R3HDM4: variants seen among roughly 807,000 people sequenced by gnomAD.
The protein encoded by R3HDM4 is R3H domain containing 4, also known as R3H domain-containing protein 4.
R3HDM4 carries 30 observed loss-of-function variants against 31.3 expected under a neutral mutation model. That is an observed-to-expected ratio of 0.96 (90% confidence interval 0.72 to 1.30). R3HDM4 has a LOEUF of 1.30. Ranked by LOEUF, R3HDM4 falls within the 50% of genes most tolerant of loss-of-function variation. R3HDM4 has a pLI of 0.00. For missense variants in R3HDM4, 444 were observed against 366.1 expected (o/e 1.21, Z -1.74); for synonymous variants, 196 against 156.6 (o/e 1.25, Z -1.88).
chr19:906,492 A>T (rs1421712650), intron 1 of R3HDM4, among the ~76,000 whole-genome samples: 1 of 152,152 alleles, frequency 6.6e-6, no homozygotes. Context: ...TGCTGGGATT[A>T]CGGGCATGAG....
chr19:899,732 T>TG lies in R3HDM4; in HGVS notation c.562-47dup. Reference sequence around the variant, plus strand: ...GTCAGGGAACTGCGGGACCTGTGGGTGGGGGGCCAGGGAGGTCCAGGGCCC... The same window carrying TG: ...GTCAGGGAACTGCGGGACCTGTGGGTGGGGGGGCCAGGGAGGTCCAGGGCCC... On this transcript the variant is annotated intron_variant, in intron 5 of 7. Transcript: ENST00000361574. The surrounding 1 kb of genome is among the most constrained non-coding windows in gnomAD (Gnocchi z 6.8). 1 of 1,462,536 alleles carries TG rather than the reference T, an allele frequency of 6.8e-7. No individual in the cohort carries two copies. The highest frequency in any genetic ancestry group is 9.1e-7 in the Non-Finnish European group (1 of 1,093,674). The allele number at this position is 1,462,536 out of a possible 1,614,324, so 90.6% of individuals were successfully genotyped here. A position where few individuals can be genotyped will look rare whatever the true frequency, so the allele number is the denominator to read the frequency against.
At position 897,135 on chromosome 19, in the gene R3HDM4, T is replaced by C; in HGVS notation, c.*302A>G. The C allele has an allele frequency of 2.9e-6, 1 of 341,436 alleles. No individual in the cohort carries two copies. The allele number at this position is 341,436 out of a possible 1,614,324, so 21.2% of individuals were successfully genotyped here. On this transcript the variant is annotated 3_prime_UTR_variant, in exon 8 of 8. Coordinates refer to ENST00000361574, the MANE Select transcript of R3HDM4 (RefSeq NM_138774.4). The stretch of plus-strand genomic sequence containing the variant: ...CCAGCCTCCCCCTCCTCACTTGAGC[T>C]TCAGACCGGGCCAGAAAAGCTCAAC...
chr19:902,990 A>G lies in R3HDM4; in HGVS notation c.72-860T>C, dbSNP rs1334506336. 2.6e-5 allele frequency among the ~76,000 whole-genome samples: 4 copies of G among 152,302 alleles called. No homozygotes were observed. The East Asian group carries it at 7.7e-4, about 29-fold the overall frequency. ...GATAGATTAGTAAACCGAGGCTCAG[A>G]GAAGTGAAGACACTTGCCCAAAGTC... On this transcript the variant is annotated intron_variant, in intron 1 of 7. Coordinates refer to ENST00000361574, the MANE Select transcript of R3HDM4 (RefSeq NM_138774.4).
Position 900,926 on chromosome 19 carries a change from G to A in R3HDM4, c.378C>T (p.Ser126=), listed in dbSNP as rs1257567091. The change falls in exon 4 of 8, where the codon TCC becomes TCT. Residue 126 remains serine, a synonymous_variant. Coordinates refer to ENST00000361574, the MANE Select transcript of R3HDM4 (RefSeq NM_138774.4). ...GAAGAACCCGCTCCTGCTCCTCCCC[G>A]GAGCGGTTCATGAAATCGTTCCAGA... ...VEVWNDFMNR[S]GEEQERVLRY... The A allele has an allele frequency of 3.7e-6, 6 of 1,606,868 alleles. No homozygotes were observed. Among genetic ancestry groups the A allele is most frequent in the Non-Finnish European group, 5.1e-6 (6 of 1,177,446 alleles).
intron 7 of R3HDM4, among the ~76,000 whole-genome samples, 153 bp from the exon 8 acceptor site, chr19:897,693 G>A (rs549581803): frequency 6.6e-5 from 10 of 152,344 alleles, no homozygotes; most frequent in Non-Finnish European, 8.8e-5. Flanking sequence ...CCCTAAGCCC[G>A]CAGGTCCGGG....
intron 1 of R3HDM4, 58 bp from the exon 2 acceptor site, chr19:902,188 G>A: frequency 6.3e-7 from 1 of 1,592,394 alleles, no homozygotes; most frequent in Non-Finnish European, 8.5e-7. Context: ...TCTCCGAGAA[G>A]GGCCCTACCA....
At position 913,075 on chromosome 19, in the gene R3HDM4, G is replaced by A. The variant is rs951940853; in HGVS notation, c.71+12C>T. 56 of 944,766 alleles carry A rather than the reference G, an allele frequency of 5.9e-5. No individual in the cohort carries two copies. The highest frequency in any genetic ancestry group is 5.5e-4 in the African/African-American group (31 of 56,776). 58.5% of individuals were successfully genotyped at this position (944,766 alleles called of 1,614,324 possible). ...CCCCGGCGCCCGCCGCGCCCCGCCC[G>A]CCCGCGCTCACAGCAGCCGCCGCCC... On this transcript the variant is annotated intron_variant, in intron 1 of 7. Transcript: ENST00000361574. This position sits in a 1 kb window ranked among gnomAD's most constrained non-coding sequence, Gnocchi z 5.0.
Position 898,456 on chromosome 19 carries a change from C to T in R3HDM4, c.704-916G>A, listed in dbSNP as rs559470876. Among the ~76,000 whole-genome samples, 4 of 141,778 alleles carry T rather than the reference C, an allele frequency of 2.8e-5. No individual in the cohort carries two copies. The East Asian group carries it at 6.2e-4, about 22-fold the overall frequency. The allele number at this position is 141,778 out of a possible 152,430, so 93.0% of individuals were successfully genotyped here. On this transcript the variant is annotated intron_variant, in intron 7 of 7. Coordinates refer to ENST00000361574, the MANE Select transcript of R3HDM4 (RefSeq NM_138774.4). ...TCTCTACTAAAAATACAAAATTAGC[C>T]GGGCGTGCTGGCCGGCACCTGGGAT...
intron 7 of R3HDM4, among the ~76,000 whole-genome samples, chr19:898,230 ATATATATATATATATATAC>A (rs1568338908): frequency 4.0e-5 from 5 of 124,268 alleles, no homozygotes; most frequent in South Asian, 2.7e-4. Context: ...AAAAAAAAAA[ATATATATATATATATATAC>A]AAAAAATTAG....
In R3HDM4 at chr19:899,297, C is replaced by T. The variant is rs1003212725; in HGVS notation, c.703+143G>A. The stretch of plus-strand genomic sequence containing the variant: ...TTCAAGGCAGGGTCCCACTGCCACC[C>T]CTGAGTTCGTAGCGTCCCCACTCCA... On this transcript the variant is annotated intron_variant, in intron 7 of 7. Coordinates refer to ENST00000361574, the MANE Select transcript of R3HDM4 (RefSeq NM_138774.4). The surrounding 1 kb of genome is among the most constrained non-coding windows in gnomAD (Gnocchi z 6.8). 1.1e-4 allele frequency: 89 copies of T among 814,020 alleles called. 1 individual carries two copies. The African/African-American group carries it at 1.4e-3, about 13-fold the overall frequency. The allele number at this position is 814,020 out of a possible 1,614,324, so 50.4% of individuals were successfully genotyped here. A position where few individuals can be genotyped will look rare whatever the true frequency, so the allele number is the denominator to read the frequency against.
intron 7 of R3HDM4, among the ~76,000 whole-genome samples, chr19:898,470 G>A (rs899154692): frequency 2.6e-5 from 4 of 150,966 alleles, no homozygotes; most frequent in South Asian, 2.1e-4. Flanking sequence ...CGTGCTGGCC[G>A]GCACCTGGGA....
chr19:909,982 C>T (rs150698476), intron 1 of R3HDM4, among the ~76,000 whole-genome samples: 4 of 151,704 alleles, frequency 2.6e-5, no homozygotes, highest in South Asian at 2.1e-4. Flanking sequence ...TCGAGGAGTT[C>T]GAGACCAGCC....
chr19:912,520 G>C lies in R3HDM4; in HGVS notation c.71+567C>G, dbSNP rs1192907633. 4.1e-5 allele frequency among the ~76,000 whole-genome samples: 3 copies of C among 73,722 alleles called. 1 individual carries two copies. The South Asian group carries it at 2.0e-3, about 48-fold the overall frequency. The allele number at this position is 73,722 out of a possible 152,430, so 48.4% of individuals were successfully genotyped here. ...GGGGCAAGAACCAGGGGAGTGGGGG[G>C]GTGGAGCAGGGAGTGGGGGGACGGA... On this transcript the variant is annotated intron_variant, in intron 1 of 7. Coordinates refer to ENST00000361574, the MANE Select transcript of R3HDM4 (RefSeq NM_138774.4).
At chr19:905,684 CAAAAAAA>C (rs35211343) in intron 1 of R3HDM4, among the ~76,000 whole-genome samples, 1 of 66,316 alleles carries the variant, frequency 1.5e-5, no homozygotes, top group African/African-American at 4.9e-5. Flanking sequence ...GACTCTGTCT[CAAAAAAA>C]AAAAAAAAAA....
At chr19:897,843 C>T (rs904042772) in intron 7 of R3HDM4, among the ~76,000 whole-genome samples, 14 of 152,246 alleles carry the variant, frequency 9.2e-5, no homozygotes, top group Admixed American at 7.8e-4. Context: ...GCCACTCACA[C>T]GCCTGCCTGG....
At chr19:904,472 C>T (rs1362054588) in intron 1 of R3HDM4, among the ~76,000 whole-genome samples, 1 of 152,156 alleles carries the variant, frequency 6.6e-6, no homozygotes, top group Non-Finnish European at 1.5e-5. Flanking sequence ...AAAAGCAACC[C>T]ACTCCACCCC....
intron 1 of R3HDM4, among the ~76,000 whole-genome samples, chr19:909,373 C>T (rs148008729): frequency 1.8e-3 from 280 of 152,250 alleles, no homozygotes; most frequent in African/African-American, 6.3e-3. Context: ...GGGCAGACTG[C>T]GGCGGCCCCC....
intron 7 of R3HDM4, among the ~76,000 whole-genome samples, 190 bp from the exon 8 acceptor site, chr19:897,730 C>T (rs182080196): frequency 7.2e-5 from 11 of 152,258 alleles, no homozygotes; most frequent in Non-Finnish European, 1.5e-4. Flanking sequence ...ATACCTAAGG[C>T]TCCCTACAGG....
At chr19:901,195 G>T in intron 3 of R3HDM4, 1 of 669,892 alleles carries the variant, frequency 1.5e-6, no homozygotes, top group Non-Finnish European at 2.5e-6. Flanking sequence ...AATCGTTGGA[G>T]GGTTCCCAAA....
Sources: allele counts gnomAD v4.1 joint callset (sites outside exome capture counted in the v4.1 genomes callset), GRCh38; gene constraint gnomAD v4.1.1; non-coding constraint Gnocchi (gnomAD v3.1); transcripts MANE v1.5; gene names NCBI Gene and HGNC (gene_info 2026-07-23, HGNC 2026-07-21).